Variants in ITPRIP observed in about 807,000 individuals in gnomAD.
ITPRIP encodes the protein inositol 1,4,5-trisphosphate receptor-interacting protein.
In ITPRIP, 32 loss-of-function variants were observed where a neutral mutation model predicts 35.8. The ratio of observed to expected loss-of-function variants is 0.89; its 90% CI spans 0.68 to 1.20. The LOEUF is 1.20. Among genes scored for constraint, ITPRIP ranks in the 50% most tolerant of loss-of-function variants. The pLI is 0.00. For synonymous variants in ITPRIP, 358 were observed against 324.0 expected (o/e 1.11, Z -1.13); for missense variants, 653 against 735.6 (o/e 0.89, Z 1.30).
chr10:104,331,520 T>G (rs2014149458), intron 1 of ITPRIP, among the ~76,000 whole-genome samples: 2 of 152,256 alleles, frequency 1.3e-5, no homozygotes, highest in Non-Finnish European at 2.9e-5. Flanking sequence ...TGCATCAGCT[T>G]CAGGGAAATG....
rs901775290 is a variant in ITPRIP, at chr10:104,312,337, C to A, written c.*2071G>T. 1.0e-4 allele frequency: 16 copies of A among 152,506 alleles called. No homozygotes were observed. The highest frequency in any genetic ancestry group is 3.1e-4 in the African/African-American group (13 of 41,394). 9.4% of individuals were successfully genotyped at this position (152,506 alleles called of 1,614,324 possible). A position where few individuals can be genotyped will look rare whatever the true frequency, so the allele number is the denominator to read the frequency against. ...CTTTCTCCTGGAAGCAAAGGAGAAG[C>A]TATGGGAGATCCAGGCATGGTTTTG... On this transcript the variant is annotated 3_prime_UTR_variant, in exon 2 of 2. Coordinates refer to ENST00000337478, the MANE Select transcript of ITPRIP (RefSeq NM_001272013.2).
chr10:104,316,026 C>T lies in ITPRIP; in HGVS notation c.26G>A (p.Cys9Tyr), dbSNP rs1009035229. 1 of 1,597,290 alleles carries T rather than the reference C, an allele frequency of 6.3e-7. No homozygotes were observed. ...GATGATGGCCGTCACCACCACCAGA[C>T]ACACGCGGAAGAGCCCCATGGCCAT... is the stretch of plus-strand genomic sequence containing the variant. MAMGLFRV[C>Y]LVVVTAIINH... The change falls in exon 2 of 2, where the codon TGT (cysteine) becomes TAT (tyrosine). Residue 9 changes from cysteine (C) to tyrosine (Y), a missense_variant. Physicochemically the swap from Cys to Tyr is radical, Grantham distance 194 (BLOSUM62 -2). Transcript: ENST00000337478.
intron 1 of ITPRIP, among the ~76,000 whole-genome samples, chr10:104,332,588 A>T (rs1416607880): frequency 6.6e-6 from 1 of 152,122 alleles, no homozygotes; most frequent in Non-Finnish European, 1.5e-5. Context: ...CTTGCTTAGG[A>T]GAAGCAGCAG....
Position 104,314,407 on chromosome 10 carries a change from G to T in ITPRIP, c.*1C>A. 1 of 1,603,670 alleles carries T rather than the reference G, an allele frequency of 6.2e-7. No homozygotes were observed. The highest frequency in any genetic ancestry group is 8.5e-7 in the Non-Finnish European group (1 of 1,173,596). On this transcript the variant is annotated 3_prime_UTR_variant, in exon 2 of 2. Coordinates refer to ENST00000337478, the MANE Select transcript of ITPRIP (RefSeq NM_001272013.2). The stretch of plus-strand genomic sequence containing the variant: ...GAGGATCCCACATTCTGTAAAAGAC[G>T]TCAGCTTTTTGGGGTAGGCTGGTCT...
intron 1 of ITPRIP, among the ~76,000 whole-genome samples, chr10:104,327,367 G>A (rs972450087): frequency 1.3e-5 from 2 of 152,100 alleles, no homozygotes; most frequent in African/African-American, 4.8e-5. Context: ...GAATGTTCAA[G>A]GCCTGGCCCA....
At chr10:104,334,939 C>T (rs565746771) in intron 1 of ITPRIP, among the ~76,000 whole-genome samples, 10 of 152,322 alleles carry the variant, frequency 6.6e-5, no homozygotes, top group East Asian at 1.9e-4. Context: ...CATTCTGATT[C>T]GTACACCCTC....
At chr10:104,318,973 C>T (rs755649555) in intron 1 of ITPRIP, among the ~76,000 whole-genome samples, 3 of 152,242 alleles carry the variant, frequency 2.0e-5, no homozygotes, top group Non-Finnish European at 2.9e-5. Context: ...GCGCCGCAGA[C>T]GCCCCTACAA....
chr10:104,317,032 C>T (rs575405297), intron 1 of ITPRIP, among the ~76,000 whole-genome samples: 13 of 152,324 alleles, frequency 8.5e-5, no homozygotes, highest in African/African-American at 2.9e-4. Flanking sequence ...CAGTGCAAAG[C>T]ACATATTCAC....
rs1438532190 is a variant in ITPRIP, at chr10:104,310,580, T to C, written c.*3828A>G. 1.3e-5 allele frequency: 2 copies of C among 152,210 alleles called. No homozygotes were observed. The highest frequency in any genetic ancestry group is 2.4e-5 in the African/African-American group (1 of 41,432). 9.4% of individuals were successfully genotyped at this position (152,210 alleles called of 1,614,324 possible). On this transcript the variant is annotated 3_prime_UTR_variant, in exon 2 of 2. Coordinates refer to ENST00000337478, the MANE Select transcript of ITPRIP (RefSeq NM_001272013.2). ...GACAGTAGGTAAGTCAGTTGCCCCTTCAGTGCCTGTTTCCTTATCTGGAAA... is the reference window on the plus strand; with the variant it reads ...GACAGTAGGTAAGTCAGTTGCCCCTCCAGTGCCTGTTTCCTTATCTGGAAA...
chr10:104,319,826 T>C (rs1429459624), intron 1 of ITPRIP, among the ~76,000 whole-genome samples: 2 of 151,920 alleles, frequency 1.3e-5, no homozygotes, highest in Non-Finnish European at 2.9e-5. Flanking sequence ...TAAAAACCAG[T>C]TCATGCCATG....
chr10:104,315,278 G>A lies in ITPRIP; in HGVS notation c.774C>T (p.Gly258=). ...ADGDTLSCIC[G]KTKLGEDMLC... is the part of the protein sequence containing the mutation. ...GCATGTCTTCCCCGAGCTTGGTCTT[G>A]CCGCAGATGCAGCTCAATGTGTCCC... The change falls in exon 2 of 2, where the codon GGC becomes GGT. Residue 258 remains glycine (G), a synonymous_variant. Coordinates refer to ENST00000337478, the MANE Select transcript of ITPRIP (RefSeq NM_001272013.2). The surrounding 1 kb of genome is among the most constrained non-coding windows in gnomAD (Gnocchi z 5.7). 6.2e-7 allele frequency: 1 copy of A among 1,601,882 alleles called. No individual in the cohort carries two copies. Among genetic ancestry groups the A allele is most frequent in the Non-Finnish European group, 8.5e-7 (1 of 1,172,376 alleles).
Position 104,328,574 on chromosome 10 carries a change from G to A in ITPRIP, c.-14+9672C>T, listed in dbSNP as rs1325297200. 2.0e-5 allele frequency among the ~76,000 whole-genome samples: 3 copies of A among 152,088 alleles called. No individual in the cohort carries two copies. The highest frequency in any genetic ancestry group is 2.1e-4 in the South Asian group (1 of 4,828). On this transcript the variant is annotated intron_variant, in intron 1 of 1. Coordinates refer to ENST00000337478, the MANE Select transcript of ITPRIP (RefSeq NM_001272013.2). This position sits in a 1 kb window ranked among gnomAD's most constrained non-coding sequence, Gnocchi z 4.1. ...AAGGGGAAGGGACTGGAACAGAACCGGGAGTAAACACAAAGGAAAACAAGG... is the reference window on the plus strand; with the variant it reads ...AAGGGGAAGGGACTGGAACAGAACCAGGAGTAAACACAAAGGAAAACAAGG...
chr10:104,335,218 C>T (rs541395933), intron 1 of ITPRIP, among the ~76,000 whole-genome samples: 4 of 152,170 alleles, frequency 2.6e-5, no homozygotes, highest in Non-Finnish European at 4.4e-5. Context: ...GCTAATTAAG[C>T]GCTCAGCTGT....
Position 104,313,608 on chromosome 10 carries a change from G to C in ITPRIP, c.*800C>G. 1 of 985,510 alleles carries C rather than the reference G, an allele frequency of 1.0e-6. No homozygotes were observed. Among genetic ancestry groups the C allele is most frequent in the Non-Finnish European group, 1.2e-6 (1 of 830,008 alleles). 61.0% of individuals were successfully genotyped at this position (985,510 alleles called of 1,614,324 possible). The stretch of plus-strand genomic sequence containing the variant: ...TTTGGAGAGAATAAAGAGAGGTGGG[G>C]GGCTGCTGAGCTGGCACCCAGTGTG... On this transcript the variant is annotated 3_prime_UTR_variant, in exon 2 of 2. Transcript: ENST00000337478.
At chr10:104,335,201 G>C (rs1386686182) in intron 1 of ITPRIP, among the ~76,000 whole-genome samples, 1 of 152,134 alleles carries the variant, frequency 6.6e-6, no homozygotes, top group African/African-American at 2.4e-5. Context: ...TGAAATGCTC[G>C]GTTCCAGCTA....
In ITPRIP at chr10:104,314,716, C is replaced by T; in HGVS notation, c.1336G>A (p.Ala446Thr). Residue 446 changes from alanine (A) to threonine (T), a missense_variant, in exon 2 of 2, where the codon GCC (alanine) becomes ACC (threonine). Physicochemically the swap from Ala to Thr is moderately conservative, Grantham distance 58 (BLOSUM62 0). Transcript: ENST00000337478. The stretch of plus-strand genomic sequence containing the variant: ...AGCTGCCCCGCCTTCCAGTCGGCGG[C>T]CTGCCGGAGGAGTAGGAGGTGCAGT... ...ALLHLLLLRQAADWKAGQLDA... is the reference protein window; with the variant it reads ...ALLHLLLLRQTADWKAGQLDA... The T allele has an allele frequency of 1.9e-6, 3 of 1,613,730 alleles. No individual in the cohort carries two copies. Among genetic ancestry groups the T allele is most frequent in the Non-Finnish European group, 1.7e-6 (2 of 1,179,856 alleles).
intron 1 of ITPRIP, among the ~76,000 whole-genome samples, chr10:104,325,130 G>A (rs1310209723): frequency 6.6e-6 from 1 of 152,238 alleles, no homozygotes; most frequent in Non-Finnish European, 1.5e-5. Flanking sequence ...TTAGGTGTGA[G>A]GATTGCTTGA....
At chr10:104,321,978 G>A (rs1236574015) in intron 1 of ITPRIP, among the ~76,000 whole-genome samples, 1 of 152,132 alleles carries the variant, frequency 6.6e-6, no homozygotes, top group South Asian at 2.1e-4. Flanking sequence ...CTGACCCCTG[G>A]TAGCAAAAGC....
At chr10:104,331,549 G>C (rs1397891627) in intron 1 of ITPRIP, among the ~76,000 whole-genome samples, 2 of 152,182 alleles carry the variant, frequency 1.3e-5, no homozygotes, top group African/African-American at 2.4e-5. Context: ...GGGAGAGAAA[G>C]CAGTAGCAGC....
Sources: gnomAD v4.1 joint callset for allele counts (sites outside exome capture counted in the v4.1 genomes callset) on GRCh38, gnomAD v4.1.1 for gene constraint, Gnocchi (gnomAD v3.1) non-coding constraint, MANE v1.5 for transcripts, NCBI Gene and HGNC (gene_info 2026-07-23, HGNC 2026-07-21) for gene names.